Variants in PCDHGA3 observed in about 807,000 individuals in gnomAD.
The protein encoded by PCDHGA3 is protocadherin gamma subfamily A, 3.
A neutral mutation model predicts 58.5 loss-of-function variants in PCDHGA3; 40 were observed. That is an observed-to-expected ratio of 0.68 (90% CI 0.53 to 0.89). The LOEUF is 0.89. Ranked by LOEUF, PCDHGA3 falls within the 40% of genes least tolerant of loss-of-function variation. The pLI is 0.00. For missense variants in PCDHGA3, 1,223 were observed against 1,195.9 expected (o/e 1.02, Z -0.33); for synonymous variants, 530 against 525.7 (o/e 1.01, Z -0.11).
At chr5:141,438,579 CAT>C (rs2097974137) in intron 1 of PCDHGA3, among the ~76,000 whole-genome samples, 1 of 55,780 alleles carries the variant, frequency 1.8e-5, no homozygotes, top group Admixed American at 2.8e-4. Context: ...GATATACATA[CAT>C]ACATACATAC....
intron 1 of PCDHGA3, among the ~76,000 whole-genome samples, chr5:141,469,864 C>T (rs963843852): frequency 6.6e-6 from 1 of 152,218 alleles, no homozygotes; most frequent in African/African-American, 2.4e-5. Flanking sequence ...GGTGCAATGG[C>T]TCACGCCTGT....
Position 141,419,025 on chromosome 5 carries a change from G to T in PCDHGA3, c.2424+72568G>T, listed in dbSNP as rs2096315076. 6.2e-6 allele frequency: 10 copies of T among 1,613,736 alleles called. No homozygotes were observed. In the East Asian group the frequency reaches 2.0e-4, roughly 32 times the overall value. On this transcript the variant is annotated intron_variant, in intron 1 of 3. Transcript: ENST00000253812. ...GAAGTCAGGTGTAGCTTAAGTAGAG[G>T]TGTTCCATTTAAGATTCATTCTTCT...
chr5:141,405,330 T>A, intron 1 of PCDHGA3: 1 of 1,614,206 alleles, frequency 6.2e-7, no homozygotes. Flanking sequence ...CCTTTGTGCG[T>A]CTCTGTTGAT....
chr5:141,453,620 A>G (rs2098770145), intron 1 of PCDHGA3, among the ~76,000 whole-genome samples: 1 of 152,196 alleles, frequency 6.6e-6, no homozygotes. Context: ...CAAAAACAAA[A>G]CCTATACATA....
At chr5:141,371,483 G>T in intron 1 of PCDHGA3, 1 of 1,613,952 alleles carries the variant, frequency 6.2e-7, no homozygotes, top group Non-Finnish European at 8.5e-7. Context: ...CTGAGCTGGG[G>T]ACTGCCGTTG....
Position 141,361,351 on chromosome 5 carries a change from A to T in PCDHGA3, c.2424+14894A>T, listed in dbSNP as rs200180237. Reference sequence around the variant, plus strand: ...CTCAAAGAACTATTACAAACTAGTGACAGACGGCGCTCTGGACCGGGAGGA... The same window carrying T: ...CTCAAAGAACTATTACAAACTAGTGTCAGACGGCGCTCTGGACCGGGAGGA... On this transcript the variant is annotated intron_variant, in intron 1 of 3. Coordinates refer to ENST00000253812, the MANE Select transcript of PCDHGA3 (RefSeq NM_018916.4). 1.6e-3 allele frequency: 2,637 copies of T among 1,613,994 alleles called. 1 individual carries two copies. Among genetic ancestry groups the T allele is most frequent in the Non-Finnish European group, 2.1e-3 (2,436 of 1,179,894 alleles).
chr5:141,470,738 C>T lies in PCDHGA3; in HGVS notation c.2425-24069C>T, dbSNP rs117476356. On this transcript the variant is annotated intron_variant, in intron 1 of 3. Transcript: ENST00000253812. ...TTTGAGTCAGGGTCTTGCTCTGTCG[C>T]CCTGGCTGGAGTGCAGTGGACTCAC... Among the ~76,000 whole-genome samples the T allele has an allele frequency of 1.9e-3, 295 of 152,226 alleles. 7 individuals carry two copies. In the East Asian group the frequency reaches 0.046, roughly 24 times the overall value.
intron 1 of PCDHGA3, chr5:141,414,517 G>A: frequency 6.2e-7 from 1 of 1,613,964 alleles, no homozygotes; most frequent in Non-Finnish European, 8.5e-7. Context: ...ACAAGTGGCA[G>A]ATATCAATGA....
chr5:141,390,837 T>C (rs1299248607), intron 1 of PCDHGA3: 1 of 163,140 alleles, frequency 6.1e-6, no homozygotes. Flanking sequence ...ATGGACCCCT[T>C]GTGATTATAT....
At chr5:141,496,400 A>G (rs540108338) in intron 2 of PCDHGA3, among the ~76,000 whole-genome samples, 2 of 152,240 alleles carry the variant, frequency 1.3e-5, no homozygotes, top group East Asian at 3.9e-4. Flanking sequence ...TACCTCCTCA[A>G]TGGTTGAGTA....
At chr5:141,444,002 C>T (rs2098413409) in intron 1 of PCDHGA3, among the ~76,000 whole-genome samples, 1 of 151,918 alleles carries the variant, frequency 6.6e-6, no homozygotes, top group African/African-American at 2.4e-5. Flanking sequence ...TAAATGCTAC[C>T]TGGGTATTGG....
chr5:141,417,034 T>C (rs1408752235), intron 1 of PCDHGA3: 1 of 151,548 alleles, frequency 6.6e-6, no homozygotes, highest in Non-Finnish European at 1.5e-5. Context: ...ACAGGTTTTT[T>C]TTTTAAAAAA....
At position 141,392,949 on chromosome 5, in the gene PCDHGA3, G is replaced by A. The variant is rs747367099; in HGVS notation, c.2424+46492G>A. On this transcript the variant is annotated intron_variant, in intron 1 of 3. Transcript: ENST00000253812. ...AGAGACGGACAAAGGCTCCTTCGTG[G>A]GTAATATCTCCAAGGACCTGGGGCT... The A allele has an allele frequency of 5.6e-6, 9 of 1,613,906 alleles. No homozygotes were observed. In the South Asian group the frequency reaches 8.8e-5, roughly 16 times the overall value.
rs1411036287 is a variant in PCDHGA3 at position 141,345,709 on chromosome 5, C to A, written c.1676C>A (p.Ala559Glu). The change falls in exon 1 of 4, where the codon GCG becomes GAG. Residue 559 changes from alanine (A) to glutamate (E), a missense_variant. Physicochemically the swap from Ala to Glu is moderately radical, Grantham distance 107 (BLOSUM62 -1). Around this residue, in one of 3 missense-constraint regions of PCDHGA3, gnomAD observed 791 missense variants for 708.5 expected, o/e 1.12. Transcript: ENST00000253812. ...TTCGTGCTGGACCAGAACGACAACG[C>A]GCCCGAGATCCTGTACCCCGCCCTC... ...NLFVLDQNDN[A>E]PEILYPALPT... The A allele has an allele frequency of 1.2e-6, 2 of 1,614,118 alleles. No homozygotes were observed. Among genetic ancestry groups the A allele is most frequent in the East Asian group, 2.2e-5 (1 of 44,894 alleles).
chr5:141,433,359 C>CTATCTATCTATA, intron 1 of PCDHGA3: 1 of 228,708 alleles, frequency 4.4e-6, no homozygotes, highest in South Asian at 4.1e-5. Context: ...TACTGTCTGC[C>CTATCTATCTATA]TATCTATCTA....
chr5:141,438,631 TATATAC>T (rs1271580663), intron 1 of PCDHGA3, among the ~76,000 whole-genome samples: 5,390 of 42,476 alleles, frequency 0.13, 146 homozygotes, highest in Non-Finnish European at 0.16. Context: ...TATATATATA[TATATAC>T]ACACACACAC....
chr5:141,435,929 G>A (rs926025053), intron 1 of PCDHGA3, among the ~76,000 whole-genome samples: 10 of 152,134 alleles, frequency 6.6e-5, no homozygotes, highest in African/African-American at 2.4e-4. Flanking sequence ...TGCGGCAGTT[G>A]CTGCTTCTGA....
At chr5:141,365,446 T>A in intron 1 of PCDHGA3, 1 of 1,614,030 alleles carries the variant, frequency 6.2e-7, no homozygotes, top group Non-Finnish European at 8.5e-7. Context: ...TTAGCGTACA[T>A]GATGGTGATT....
intron 1 of PCDHGA3, chr5:141,361,050 T>C (rs370096238): frequency 1.7e-5 from 28 of 1,613,586 alleles, no homozygotes; most frequent in African/African-American, 2.7e-5. Context: ...CGACAAAGGA[T>C]GATTTGGATT....
Sources: allele counts gnomAD v4.1 joint callset (sites outside exome capture counted in the v4.1 genomes callset), GRCh38; gene constraint gnomAD v4.1.1; regional missense constraint gnomAD v4.1.1; transcripts MANE v1.5; gene names NCBI Gene and HGNC (gene_info 2026-07-23, HGNC 2026-07-21).